COL17A1: variants seen among roughly 807,000 people sequenced by gnomAD.
COL17A1 encodes collagen type XVII alpha 1 chain.
A neutral mutation model predicts 218.4 loss-of-function variants in COL17A1; 181 were observed. The ratio of observed to expected loss-of-function variants is 0.83; its 90% CI spans 0.73 to 0.94. COL17A1 has a LOEUF of 0.94. COL17A1 is among the 40% of genes least tolerant of loss of function. COL17A1 has a pLI of 0.00. For missense variants in COL17A1, 1,924 were observed against 1,945.9 expected (o/e 0.99, Z 0.21); for synonymous variants, 721 against 731.0 (o/e 0.99, Z 0.22).
Position 104,055,789 on chromosome 10 carries a change from C to G in COL17A1, c.1680G>C (p.Gln560His), listed in dbSNP as rs111480739. ...GCCCGGCGATGCTCTCACCATTTTC[C>G]TGTTCCATCATTAGCTTCTTCCTCA... The part of the protein sequence containing the change: ...MFVRKKLMME[Q>H]ENGNLRGSPG... The change falls in exon 18 of 56, where the codon CAG (glutamine) becomes CAC (histidine). Residue 560 changes from glutamine to histidine, a missense_variant. Gln to His is a conservative substitution (Grantham distance 24, BLOSUM62 0). Transcript: ENST00000648076. The G allele has an allele frequency of 8.1e-6, 13 of 1,614,114 alleles. No individual in the cohort carries two copies. The African/African-American group carries it at 1.1e-4, about 13-fold the overall frequency.
intron 17 of COL17A1, among the ~76,000 whole-genome samples, chr10:104,056,299 C>CT (rs1420426703): frequency 6.6e-6 from 1 of 152,136 alleles, no homozygotes; most frequent in Non-Finnish European, 1.5e-5. Flanking sequence ...ATAGATATGG[C>CT]TGGCCAGGCG....
chr10:104,048,636 T>C (rs2086437142), intron 29 of COL17A1, among the ~76,000 whole-genome samples: 1 of 152,190 alleles, frequency 6.6e-6, no homozygotes, highest in African/African-American at 2.4e-5. Flanking sequence ...TTTGACTGTA[T>C]CCTCACAGCA....
chr10:104,033,154 C>A, intron 53 of COL17A1, 84 bp downstream of exon 53: 1 of 1,545,574 alleles, frequency 6.5e-7, no homozygotes. Flanking sequence ...CTGGAGATTT[C>A]TCATGAGACT....
rs199699283 is a variant in COL17A1, at chr10:104,084,312, AT to A, written c.-12+1410del. Reference sequence around the variant, plus strand: ...CACCAATCTAAGGAGTTTTTTTCCTATTTTTTTTTTTTTTTGAGACGGAGTC... The same window carrying A: ...CACCAATCTAAGGAGTTTTTTTCCTATTTTTTTTTTTTTTGAGACGGAGTC... On this transcript the variant is annotated intron_variant, in intron 1 of 55. Transcript: ENST00000648076. Among the ~76,000 whole-genome samples the A allele has an allele frequency of 4.3e-3, 608 of 139,896 alleles. 2 individuals are homozygous for A. Among genetic ancestry groups the A allele is most frequent in the African/African-American group, 9.0e-3 (343 of 38,314 alleles). 91.8% of individuals were successfully genotyped at this position (139,896 alleles called of 152,430 possible). A position where few individuals can be genotyped will look rare whatever the true frequency, so the allele number is the denominator to read the frequency against.
intron 36 of COL17A1, 93 bp from the exon 37 acceptor site, chr10:104,041,631 C>G: frequency 9.3e-7 from 1 of 1,078,200 alleles, no homozygotes; most frequent in Non-Finnish European, 1.4e-6. Context: ...CAGTTCCAGG[C>G]ACTCCAGGCT....
At position 104,043,502 on chromosome 10, in the gene COL17A1, TG is replaced by T; in HGVS notation, c.2513del (p.Pro838GlnfsTer228). ...AMGPPGPPGA[P>X]GPAGPAGLPG... ...GGCAAAGCAAGAAAATAGACTGACC[TG>T]GGGCACCTGGAGGTCCTGGGGGTCC... is the stretch of plus-strand genomic sequence containing the variant. On this transcript the variant is annotated frameshift_variant and splice_region_variant, in exon 35 of 56. Coordinates refer to ENST00000648076, the MANE Select transcript of COL17A1 (RefSeq NM_000494.4). LOFTEE classifies it high-confidence loss of function. 1 of 1,613,598 alleles carries T rather than the reference TG, an allele frequency of 6.2e-7. No homozygotes were observed. Among genetic ancestry groups the T allele is most frequent in the East Asian group, 2.2e-5 (1 of 44,868 alleles).
intron 11 of COL17A1, 85 bp downstream of exon 11, chr10:104,063,662 A>AAAG: frequency 6.3e-7 from 1 of 1,582,560 alleles, no homozygotes; most frequent in Non-Finnish European, 8.6e-7. Flanking sequence ...TGCATGGAAG[A>AAAG]AAGGCCTTCA....
intron 16 of COL17A1, among the ~76,000 whole-genome samples, chr10:104,057,908 CG>C (rs369751315): frequency 1.3e-5 from 2 of 151,922 alleles, no homozygotes; most frequent in Admixed American, 6.6e-5. Flanking sequence ...CAGCTGGGGG[CG>C]GGGGGCCTGT....
At chr10:104,034,445 A>G in intron 51 of COL17A1, 111 bp from the exon 52 acceptor site, 1 of 1,463,812 alleles carries the variant, frequency 6.8e-7, no homozygotes, top group Non-Finnish European at 9.2e-7. Context: ...ACCAGAAGTG[A>G]ACTTCAGGGT....
chr10:104,070,375 T>G, intron 9 of COL17A1, 51 bp downstream of exon 9: 2 of 1,611,228 alleles, frequency 1.2e-6, no homozygotes, highest in Non-Finnish European at 1.7e-6. Context: ...TGGGTTTGGA[T>G]GGGTAAGTTT....
rs1464417634 is a variant in COL17A1, at chr10:104,031,709, T to C, written c.*526A>G. ...GAGGGGAAGTGAATTTCTTAATTTT[T>C]TTAGTTGCAAGAGTCACTTCTTAGC... is the stretch of plus-strand genomic sequence containing the variant. On this transcript the variant is annotated 3_prime_UTR_variant, in exon 56 of 56. Transcript: ENST00000648076. The C allele has an allele frequency of 6.2e-6, 1 of 162,394 alleles. No homozygotes were observed. Among genetic ancestry groups the C allele is most frequent in the Admixed American group, 5.7e-5 (1 of 17,594 alleles). 10.1% of individuals were successfully genotyped at this position (162,394 alleles called of 1,614,324 possible). A position where few individuals can be genotyped will look rare whatever the true frequency, so the allele number is the denominator to read the frequency against.
At chr10:104,046,260 C>G (rs1207125472) in intron 32 of COL17A1, among the ~76,000 whole-genome samples, 2 of 152,216 alleles carry the variant, frequency 1.3e-5, no homozygotes, top group Non-Finnish European at 2.9e-5. Context: ...CAATCTTTGC[C>G]TAATTTCTTT....
At chr10:104,071,077 G>A (rs1168901052) in intron 8 of COL17A1, among the ~76,000 whole-genome samples, 1 of 152,194 alleles carries the variant, frequency 6.6e-6, no homozygotes, top group Non-Finnish European at 1.5e-5. Flanking sequence ...CTATCTGGCT[G>A]ATTTAATTTG....
At chr10:104,082,009 T>C (rs983530659) in intron 1 of COL17A1, among the ~76,000 whole-genome samples, 4 of 152,180 alleles carry the variant, frequency 2.6e-5, no homozygotes. Context: ...GTGACTTCCC[T>C]GATGGAAACC....
chr10:104,033,882 C>T, intron 52 of COL17A1, 63 bp downstream of exon 52: 2 of 1,609,176 alleles, frequency 1.2e-6, no homozygotes, highest in Non-Finnish European at 1.7e-6. Flanking sequence ...AACAAGAAAG[C>T]CAGTCTGGAG....
intron 2 of COL17A1, among the ~76,000 whole-genome samples, chr10:104,079,031 A>G (rs2086736467): frequency 6.6e-6 from 1 of 152,132 alleles, no homozygotes; most frequent in Non-Finnish European, 1.5e-5. Flanking sequence ...TTCTTCATGA[A>G]TTTGGAGGTG....
intron 3 of COL17A1, among the ~76,000 whole-genome samples, chr10:104,078,274 G>A (rs922828344): frequency 6.6e-6 from 1 of 152,146 alleles, no homozygotes. Context: ...GGAGAATGAG[G>A]AATGACTGCT....
intron 47 of COL17A1, 68 bp from the exon 48 acceptor site, chr10:104,036,700 C>G: frequency 1.3e-6 from 2 of 1,578,186 alleles, no homozygotes; most frequent in Non-Finnish European, 1.7e-6. Flanking sequence ...GATCCAGCCA[C>G]AGCCTGGGCT....
chr10:104,045,874 C>T (rs1017777468), intron 32 of COL17A1, 81 bp from the exon 33 acceptor site: 9 of 1,118,710 alleles, frequency 8.0e-6, no homozygotes, highest in Non-Finnish European at 1.2e-5. Flanking sequence ...AGTGCTCCGT[C>T]ACTCAGCACA....
Sources: gnomAD v4.1 joint callset for allele counts (sites outside exome capture counted in the v4.1 genomes callset) on GRCh38, gnomAD v4.1.1 for gene constraint, MANE v1.5 for transcripts, NCBI Gene and HGNC (gene_info 2026-07-23, HGNC 2026-07-21) for gene names.